The following CCDC180 variants were observed in gnomAD, a reference collection of about 807,000 sequenced individuals.
The protein encoded by CCDC180 is coiled-coil domain containing 180, also known as coiled-coil domain-containing protein 180.
In CCDC180, 154 loss-of-function variants were observed where a neutral mutation model predicts 209.2. That is an observed-to-expected ratio of 0.74 (90% CI 0.65 to 0.84). The LOEUF is 0.84. CCDC180 is among the 40% of genes least tolerant of loss of function. The probability of loss-of-function intolerance (pLI) is 0.00; values close to 1 mark genes in which losing one functional copy is unlikely to be tolerated. For missense variants in CCDC180, 1,874 were observed against 1,997.3 expected (o/e 0.94, Z 1.18); for synonymous variants, 778 against 749.1 (o/e 1.04, Z -0.63).
At position 97,318,587 on chromosome 9, in the gene CCDC180, G is replaced by A. The variant is rs1162918329; in HGVS notation, c.1079+5G>A. 7.4e-6 allele frequency: 12 copies of A among 1,611,276 alleles called. No homozygotes were observed. Among genetic ancestry groups the A allele is most frequent in the Admixed American group, 1.7e-5 (1 of 59,964 alleles). The stretch of plus-strand genomic sequence containing the variant: ...GAAGCATCTCTGCACCATCTGGTAT[G>A]GGCAGGAGGGGCGGCCCAGGAGGGG... On this transcript the variant is annotated splice_donor_5th_base_variant and intron_variant, in intron 10 of 36. Transcript: ENST00000529487.
chr9:97,339,845 CTTTG>C (rs1209079564), intron 18 of CCDC180, among the ~76,000 whole-genome samples: 2 of 152,144 alleles, frequency 1.3e-5, no homozygotes, highest in East Asian at 1.9e-4. Flanking sequence ...TTCTTGGAGG[CTTTG>C]TTTGTTTCTT....
At position 97,370,209 on chromosome 9, in the gene CCDC180, G is replaced by A. The variant is rs1174716365; in HGVS notation, c.4350+127G>A. 1.3e-5 allele frequency: 13 copies of A among 1,006,192 alleles called. No individual in the cohort carries two copies. The East Asian group carries it at 3.4e-4, about 26-fold the overall frequency. 62.3% of individuals were successfully genotyped at this position (1,006,192 alleles called of 1,614,324 possible). A position where few individuals can be genotyped will look rare whatever the true frequency, so the allele number is the denominator to read the frequency against. ...TGAGCTTGGCTTGGGATTTTTGGAT[G>A]GGGGCTGAGGGACAGGAGCCATTGG... On this transcript the variant is annotated intron_variant, in intron 32 of 36. Coordinates refer to ENST00000529487, the MANE Select transcript of CCDC180 (RefSeq NM_020893.6).
rs978754317 is a variant in CCDC180, at chr9:97,366,361, C to A, written c.4048-198C>A. Among the ~76,000 whole-genome samples, 80 of 152,278 alleles carry A rather than the reference C, an allele frequency of 5.3e-4. No individual in the cohort carries two copies. The highest frequency in any genetic ancestry group is 1.7e-3 in the African/African-American group (72 of 41,558). ...AGGAAATAACGAGGGCTGGCCATGGCTCCACTCACTCCAGGTGGGCCCAGG... is the reference window on the plus strand; with the variant it reads ...AGGAAATAACGAGGGCTGGCCATGGATCCACTCACTCCAGGTGGGCCCAGG... On this transcript the variant is annotated intron_variant, in intron 30 of 36. Coordinates refer to ENST00000529487, the MANE Select transcript of CCDC180 (RefSeq NM_020893.6). The surrounding 1 kb of genome is among the most constrained non-coding windows in gnomAD (Gnocchi z 4.3).
intron 23 of CCDC180, 51 bp from the exon 24 acceptor site, chr9:97,354,841 C>T (rs550729543): frequency 9.6e-6 from 15 of 1,557,710 alleles, no homozygotes; most frequent in African/African-American, 6.8e-5. Flanking sequence ...CTTCAGAGTC[C>T]AAAAGGTCCA....
chr9:97,341,642 C>T (rs1587812356), intron 18 of CCDC180, among the ~76,000 whole-genome samples: 1 of 152,166 alleles, frequency 6.6e-6, no homozygotes, highest in African/African-American at 2.4e-5. Context: ...TGTCAGGGAC[C>T]CACTTGAGGA....
intron 18 of CCDC180, among the ~76,000 whole-genome samples, chr9:97,336,878 C>T (rs1375018661): frequency 1.3e-5 from 2 of 152,186 alleles, no homozygotes; most frequent in South Asian, 2.1e-4. Flanking sequence ...AGGTCCTTCA[C>T]ATCCCTTTTA....
In CCDC180 at chr9:97,347,303, C is replaced by T. The variant is rs1426168059; in HGVS notation, c.2499-11C>T. 6.5e-7 allele frequency: 1 copy of T among 1,534,946 alleles called. No homozygotes were observed. The highest frequency in any genetic ancestry group is 8.7e-7 in the Non-Finnish European group (1 of 1,146,610). On this transcript the variant is annotated splice_polypyrimidine_tract_variant and intron_variant, in intron 19 of 36. Coordinates refer to ENST00000529487, the MANE Select transcript of CCDC180 (RefSeq NM_020893.6). ...GCTGGCAGGGCTGACCCTGGCTGGT[C>T]TCGCCCTCAGACTTCGAGCTGGCTT... is the stretch of plus-strand genomic sequence containing the variant.
In CCDC180 at chr9:97,314,510, T is replaced by C. The variant is rs1356833229; in HGVS notation, c.577T>C (p.Tyr193His). The change falls in exon 6 of 37, where the codon TAC becomes CAC. Residue 193 changes from tyrosine (Y) to histidine (H), a missense_variant. By Grantham distance (83) the Tyr-to-His change is moderately conservative. Coordinates refer to ENST00000529487, the MANE Select transcript of CCDC180 (RefSeq NM_020893.6). The stretch of plus-strand genomic sequence containing the variant: ...GGAAAATGACACCAACCTTGAGGAC[T>C]ACACCATCCAAGTAGGGGTCCCTTC... ...KVENDTNLED[Y>H]TIQALLELWD... The C allele has an allele frequency of 6.2e-7, 1 of 1,614,142 alleles. No individual in the cohort carries two copies. Among genetic ancestry groups the C allele is most frequent in the Admixed American group, 1.7e-5 (1 of 60,036 alleles).
At chr9:97,347,192 T>A (rs1826282664) in intron 19 of CCDC180, 122 bp from the exon 20 acceptor site, 2 of 908,884 alleles carry the variant, frequency 2.2e-6, no homozygotes, top group East Asian at 5.3e-5. Context: ...TGAAATGCAA[T>A]GTAGCTGGGA....
chr9:97,363,469 C>T (rs1826825365), intron 28 of CCDC180: 1 of 336,460 alleles, frequency 3.0e-6, no homozygotes, highest in South Asian at 3.0e-5. Flanking sequence ...TTATATGATC[C>T]AGCCATGACC....
rs1826351691 is a variant in CCDC180, at chr9:97,349,091, C to G, written c.2675-20C>G. 2.0e-6 allele frequency: 3 copies of G among 1,528,074 alleles called. No individual in the cohort carries two copies. The highest frequency in any genetic ancestry group is 2.6e-6 in the Non-Finnish European group (3 of 1,142,250). The allele number at this position is 1,528,074 out of a possible 1,614,324, so 94.7% of individuals were successfully genotyped here. The stretch of plus-strand genomic sequence containing the variant: ...GTGAATCGGGTCCCCGGGGCCCCAG[C>G]TCTCTTAATCCTTTTTCAGCCGAGC... On this transcript the variant is annotated intron_variant, in intron 20 of 36. Transcript: ENST00000529487.
At chr9:97,370,996 G>A (rs560949534) in intron 33 of CCDC180, 48 of 266,170 alleles carry the variant, frequency 1.8e-4, no homozygotes, top group East Asian at 1.1e-3. Flanking sequence ...TCGCTCTGTC[G>A]CCCAGGCCGG....
intron 18 of CCDC180, among the ~76,000 whole-genome samples, chr9:97,341,680 A>T (rs1482448687): frequency 2.0e-5 from 3 of 152,172 alleles, no homozygotes; most frequent in Non-Finnish European, 4.4e-5. Context: ...CGGAGCTCAA[A>T]CACTGTGCTG....
chr9:97,313,320 AG>A lies in CCDC180; in HGVS notation c.436del (p.Glu146ArgfsTer22), dbSNP rs1236129174. The A allele has an allele frequency of 1.2e-6, 2 of 1,611,684 alleles. No individual in the cohort carries two copies. The highest frequency in any genetic ancestry group is 4.5e-5 in the East Asian group (2 of 44,768). On this transcript the variant is annotated frameshift_variant, in exon 5 of 37. Coordinates refer to ENST00000529487, the MANE Select transcript of CCDC180 (RefSeq NM_020893.6). LOFTEE classifies it high-confidence loss of function. Reference sequence around the variant, plus strand: ...TACGAGAGCGCTCTGGCCAGCTTTCAGGAGGAGATTGCGCAGGTGGGAAAGG... The same window carrying A: ...TACGAGAGCGCTCTGGCCAGCTTTCAGAGGAGATTGCGCAGGTGGGAAAGG... ...KSYESALASF[Q>X]EEIAQVGKEM...
chr9:97,314,264 C>T (rs1564146008), intron 5 of CCDC180, 129 bp from the exon 6 acceptor site: 9 of 1,094,064 alleles, frequency 8.2e-6, no homozygotes, highest in Admixed American at 2.1e-5. Flanking sequence ...AGCCTCAACT[C>T]GTTAGGTCTA....
At position 97,343,583 on chromosome 9, in the gene CCDC180, ATT is replaced by A; in HGVS notation, c.2498+21_2498+22del. 1 of 1,506,740 alleles carries A rather than the reference ATT, an allele frequency of 6.6e-7. No individual in the cohort carries two copies. Among genetic ancestry groups the A allele is most frequent in the Non-Finnish European group, 9.2e-7 (1 of 1,085,118 alleles). 93.3% of individuals were successfully genotyped at this position (1,506,740 alleles called of 1,614,324 possible). A position where few individuals can be genotyped will look rare whatever the true frequency, so the allele number is the denominator to read the frequency against. Reference sequence around the variant, plus strand: ...GAAACAGTGAGTAAAAAACTATTTTATTCTCATCCTGTTGTTCTGAGTTTTGT... The same window carrying A: ...GAAACAGTGAGTAAAAAACTATTTTACTCATCCTGTTGTTCTGAGTTTTGT... On this transcript the variant is annotated intron_variant, in intron 19 of 36. Transcript: ENST00000529487.
intron 28 of CCDC180, 76 bp downstream of exon 28, chr9:97,362,517 T>C: frequency 1.9e-6 from 3 of 1,549,302 alleles, no homozygotes; most frequent in Non-Finnish European, 8.7e-7. Flanking sequence ...ACCTATGGCT[T>C]TCCCAGGCTT....
At chr9:97,316,191 A>G (rs761276159) in intron 8 of CCDC180, among the ~76,000 whole-genome samples, 1 of 152,188 alleles carries the variant, frequency 6.6e-6, no homozygotes, top group African/African-American at 2.4e-5. Flanking sequence ...TCTACTCATT[A>G]TTACAACTTG....
chr9:97,310,816 A>G (rs566638328), intron 3 of CCDC180, among the ~76,000 whole-genome samples: 30 of 152,190 alleles, frequency 2.0e-4, no homozygotes, highest in African/African-American at 6.7e-4. Context: ...AGAAAAATCC[A>G]CTGGCCCACC....
Sources: allele counts gnomAD v4.1 joint callset (sites outside exome capture counted in the v4.1 genomes callset), GRCh38; gene constraint gnomAD v4.1.1; non-coding constraint Gnocchi (gnomAD v3.1); transcripts MANE v1.5; gene names NCBI Gene and HGNC (gene_info 2026-07-23, HGNC 2026-07-21).